Variants in TNRC6B observed in about 807,000 individuals in gnomAD.
TNRC6B encodes trinucleotide repeat containing adaptor 6B, also known as trinucleotide repeat-containing gene 6B protein.
In TNRC6B, 52 loss-of-function variants were observed where a neutral mutation model predicts 203.6. That is an observed-to-expected ratio of 0.26 (90% CI 0.20 to 0.32). The LOEUF (loss-of-function observed/expected upper bound fraction) is 0.32. Among genes scored for constraint, TNRC6B ranks in the 10% least tolerant of loss-of-function variants. TNRC6B has a pLI of 1.00. For synonymous variants in TNRC6B, 838 were observed against 845.7 expected, an observed-to-expected ratio of 0.99 and a Z score of 0.16; for missense variants, 1,923 against 2,286.2, an observed-to-expected ratio of 0.84 and a Z score of 3.24.
chr22:40,277,416 T>G (rs2070658922), intron 8 of TNRC6B, among the ~76,000 whole-genome samples: 1 of 152,218 alleles, frequency 6.6e-6, no homozygotes, highest in Non-Finnish European at 1.5e-5. Flanking sequence ...GCATTAAAAA[T>G]TTATACAATT....
Position 40,107,155 on chromosome 22 carries a change from A to G in TNRC6B, c.-120-9900A>G, listed in dbSNP as rs933351642. The G allele has an allele frequency of 3.0e-5, 17 of 564,100 alleles. No individual in the cohort carries two copies. The East Asian group carries it at 3.5e-4, about 11-fold the overall frequency. The allele number at this position is 564,100 out of a possible 1,614,324, so 34.9% of individuals were successfully genotyped here. A position where few individuals can be genotyped will look rare whatever the true frequency, so the allele number is the denominator to read the frequency against. Reference sequence around the variant, plus strand: ...TCATGTTTGTCAGGTTTTTAATACTAGGTACTTTTTGTATCCTATTTAAGA... The same window carrying G: ...TCATGTTTGTCAGGTTTTTAATACTGGGTACTTTTTGTATCCTATTTAAGA... On this transcript the variant is annotated intron_variant, in intron 1 of 23. Transcript: ENST00000301923.
intron 3 of TNRC6B, among the ~76,000 whole-genome samples, chr22:40,137,870 G>C (rs1389574715): frequency 6.6e-6 from 1 of 151,868 alleles, no homozygotes; most frequent in Non-Finnish European, 1.5e-5. Flanking sequence ...TGTAATCCTA[G>C]CTACTTGGGA....
Position 40,265,670 on chromosome 22 carries a change from G to T in TNRC6B, c.1440G>T (p.Thr480=). 1 of 1,613,912 alleles carries T rather than the reference G, an allele frequency of 6.2e-7. No homozygotes were observed. Among genetic ancestry groups the T allele is most frequent in the Non-Finnish European group, 8.5e-7 (1 of 1,179,846 alleles). ...NDSWDNNNRS[T]GGSWNFGPQD... ...CTTGGGACAACAATAACAGGTCTAC[G>T]GGTGGGTCCTGGAACTTTGGCCCCC... Residue 480 remains threonine (T), a synonymous_variant, in exon 5 of 23, where the codon ACG becomes ACT. Transcript: ENST00000454349.
intron 10 of TNRC6B, 133 bp from the exon 11 acceptor site, chr22:40,280,986 A>T: frequency 1.4e-6 from 1 of 696,254 alleles, no homozygotes; most frequent in Non-Finnish European, 2.3e-6. Context: ...ATCAGATCCA[A>T]ATTCCATCCT....
At chr22:40,192,571 C>A (rs919954129) in intron 1 of TNRC6B, among the ~76,000 whole-genome samples, 1 of 151,964 alleles carries the variant, frequency 6.6e-6, no homozygotes, top group African/African-American at 2.4e-5. Flanking sequence ...GAGCCGAGAT[C>A]GAGCCACTGC....
At chr22:40,180,804 G>A (rs758867805) in intron 1 of TNRC6B, among the ~76,000 whole-genome samples, 12 of 152,174 alleles carry the variant, frequency 7.9e-5, no homozygotes, top group Admixed American at 1.3e-4. Flanking sequence ...GAACTTGCAC[G>A]TTGTAGTTTT....
intron 1 of TNRC6B, among the ~76,000 whole-genome samples, chr22:40,104,120 G>A (rs1318075508): frequency 1.3e-5 from 2 of 151,892 alleles, no homozygotes; most frequent in African/African-American, 2.4e-5. Context: ...GCGTGGTGGC[G>A]GGTGCCTATA....
chr22:40,118,515 A>T (rs1337572744), intron 2 of TNRC6B, among the ~76,000 whole-genome samples: 3 of 152,236 alleles, frequency 2.0e-5, no homozygotes, highest in Non-Finnish European at 4.4e-5. Context: ...ACAGTATCCC[A>T]GCACCATCTG....
intron 4 of TNRC6B, among the ~76,000 whole-genome samples, chr22:40,156,406 TTA>T (rs2068819254): frequency 6.6e-6 from 1 of 152,170 alleles, no homozygotes; most frequent in Non-Finnish European, 1.5e-5. Flanking sequence ...TAATCAAAAT[TTA>T]TGTTATGTTG....
intron 20 of TNRC6B, 123 bp from the exon 21 acceptor site, chr22:40,315,819 A>G: frequency 1.3e-6 from 1 of 777,758 alleles, no homozygotes; most frequent in Non-Finnish European, 2.1e-6. Context: ...GTCAGAGTCC[A>G]GTGGAAAAGA....
At chr22:40,251,127 A>T in intron 2 of TNRC6B, 52 bp from the exon 3 acceptor site, 1 of 1,454,736 alleles carries the variant, frequency 6.9e-7, no homozygotes, top group South Asian at 1.3e-5. Context: ...CTGAAAATAC[A>T]GTACTGAATT....
chr22:40,180,342 G>A (rs1168069303), intron 1 of TNRC6B, among the ~76,000 whole-genome samples: 1 of 152,172 alleles, frequency 6.6e-6, no homozygotes, highest in African/African-American at 2.4e-5. Context: ...TGTTTTTGTG[G>A]CTGTGTAAAC....
chr22:40,177,872 C>T, upstream of TNRC6B: 1 of 1,311,980 alleles, frequency 7.6e-7, no homozygotes, highest in African/African-American at 1.5e-5. Context: ...ACAAACCTAC[C>T]CGAAGTCACA....
intron 4 of TNRC6B, among the ~76,000 whole-genome samples, chr22:40,262,660 C>G (rs1166171096): frequency 6.6e-6 from 1 of 152,042 alleles, no homozygotes; most frequent in Non-Finnish European, 1.5e-5. Context: ...CTCAGTATTT[C>G]TTTTTGTGGG....
At position 40,262,068 on chromosome 22, in the gene TNRC6B, C is replaced by A; in HGVS notation, c.352C>A (p.Leu118Ile). The change falls in exon 4 of 23, where the codon CTT becomes ATT. Residue 118 changes from leucine (L) to isoleucine (I), a missense_variant. Leu to Ile is a conservative substitution (Grantham distance 5, BLOSUM62 2). Around this residue, in one of 8 missense-constraint regions of TNRC6B, gnomAD observed 614 missense variants for 587.7 expected, o/e 1.04. Transcript: ENST00000454349. ...GQPPPPSCML[L>I]GGGAGPPPCT... Reference sequence around the variant, plus strand: ...GCCCCCTCCACCGTCCTGCATGCTCCTTGGGGGTGGGGCAGGGCCTCCTCC... The same window carrying A: ...GCCCCCTCCACCGTCCTGCATGCTCATTGGGGGTGGGGCAGGGCCTCCTCC... The A allele has an allele frequency of 6.3e-7, 1 of 1,582,464 alleles. No individual in the cohort carries two copies.
intron 1 of TNRC6B, among the ~76,000 whole-genome samples, chr22:40,210,322 A>G (rs1339015298): frequency 6.6e-6 from 1 of 152,222 alleles, no homozygotes; most frequent in Non-Finnish European, 1.5e-5. Flanking sequence ...TTCTGTGGGA[A>G]TATAGGCACA....
At chr22:40,094,997 T>G (rs999942092) in intron 1 of TNRC6B, among the ~76,000 whole-genome samples, 17 of 152,196 alleles carry the variant, frequency 1.1e-4, no homozygotes, top group African/African-American at 3.9e-4. Context: ...TTTCCAAACA[T>G]TTTGATTTGG....
intron 1 of TNRC6B, among the ~76,000 whole-genome samples, chr22:40,065,533 G>GT (rs2067888197): frequency 6.6e-6 from 1 of 152,078 alleles, no homozygotes; most frequent in Non-Finnish European, 1.5e-5. Context: ...AGTTTTGGTA[G>GT]TTTGTGTCTT....
intron 15 of TNRC6B, among the ~76,000 whole-genome samples, chr22:40,306,946 C>T (rs2071094283): frequency 1.3e-5 from 2 of 152,182 alleles, no homozygotes; most frequent in Admixed American, 6.5e-5. Flanking sequence ...CAGGATTGTG[C>T]CACTGCACTC....
Sources: allele counts gnomAD v4.1 joint callset (sites outside exome capture counted in the v4.1 genomes callset), GRCh38; gene constraint gnomAD v4.1.1; regional missense constraint gnomAD v4.1.1; transcripts MANE v1.5; gene names NCBI Gene and HGNC (gene_info 2026-07-23, HGNC 2026-07-21).